The following KAZN variants were observed in gnomAD, a reference collection of about 807,000 sequenced individuals.
KAZN encodes the protein kazrin, periplakin interacting protein.
Under a neutral mutation model 87.4 loss-of-function variants are expected in KAZN, and 40 were observed. The ratio of observed to expected loss-of-function variants is 0.46; its 90% CI spans 0.36 to 0.60. The LOEUF is 0.60. Among genes scored for constraint, KAZN ranks in the 20% least tolerant of loss-of-function variants. KAZN has a pLI of 0.00. For synonymous variants in KAZN, 466 were observed against 458.3 expected, an observed-to-expected ratio of 1.02 and a Z score of -0.22; for missense variants, 898 against 1,073.9, an observed-to-expected ratio of 0.84 and a Z score of 2.29.
At chr1:14,676,008 G>T (rs531799132) in intron 1 of KAZN, among the ~76,000 whole-genome samples, 1 of 152,154 alleles carries the variant, frequency 6.6e-6, no homozygotes, top group African/African-American at 2.4e-5. Context: ...AAATATAGGG[G>T]AGGTGAAGGA....
chr1:15,046,680 G>A (rs922412953), intron 4 of KAZN, among the ~76,000 whole-genome samples: 2 of 152,190 alleles, frequency 1.3e-5, no homozygotes, highest in Non-Finnish European at 2.9e-5. Context: ...AGGATCCGTG[G>A]GCCTAGCCTA....
intron 2 of KAZN, among the ~76,000 whole-genome samples, chr1:14,370,603 T>C (rs1053380834): frequency 3.9e-5 from 6 of 152,080 alleles, no homozygotes; most frequent in Non-Finnish European, 8.8e-5. Flanking sequence ...TTTACATGTG[T>C]GTCCACCTAC....
intron 2 of KAZN, among the ~76,000 whole-genome samples, chr1:14,531,405 A>G (rs773811033): frequency 2.0e-5 from 3 of 152,216 alleles, no homozygotes; most frequent in Non-Finnish European, 2.9e-5. Flanking sequence ...TGATCACTGT[A>G]TTCGCAAACC....
rs574546777 is a variant in KAZN at position 14,507,552 on chromosome 1, C to T, written c.250-91431C>T. Among the ~76,000 whole-genome samples the T allele has an allele frequency of 1.5e-4, 23 of 152,256 alleles. No homozygotes were observed. In the South Asian group the frequency reaches 3.5e-3, roughly 23 times the overall value. Reference sequence around the variant, plus strand: ...CATCCGCCAGGGATCACACCAGTAACGCAGAATTCTTTCTGAGAGTGGAAC... The same window carrying T: ...CATCCGCCAGGGATCACACCAGTAATGCAGAATTCTTTCTGAGAGTGGAAC... On this transcript the variant is annotated intron_variant, in intron 2 of 16. Transcript: ENST00000636203.
intron 1 of KAZN, among the ~76,000 whole-genome samples, chr1:14,887,903 G>T (rs1572736543): frequency 6.6e-6 from 1 of 151,892 alleles, no homozygotes; most frequent in African/African-American, 2.4e-5. Flanking sequence ...TGGTGTGTTT[G>T]CTGTGTGGAT....
At chr1:14,790,713 A>T (rs537383068) in intron 1 of KAZN, among the ~76,000 whole-genome samples, 7 of 152,144 alleles carry the variant, frequency 4.6e-5, no homozygotes, top group African/African-American at 1.7e-4. Flanking sequence ...GAATCCGGTG[A>T]CTTCTTTTTT....
At chr1:15,068,572 A>C (rs1171122572) in intron 8 of KAZN, among the ~76,000 whole-genome samples, 1 of 151,382 alleles carries the variant, frequency 6.6e-6, no homozygotes, top group Non-Finnish European at 1.5e-5. Context: ...CCACGATCCC[A>C]CCCTCCCTGG....
At position 14,562,915 on chromosome 1, in the gene KAZN, T is replaced by C. The variant is rs1001833432; in HGVS notation, c.250-36068T>C. Reference sequence around the variant, plus strand: ...TACTCGATTGCATAGCACTCTGGAGTGCGTTTAGTTAAGACAACTCATCTC... The same window carrying C: ...TACTCGATTGCATAGCACTCTGGAGCGCGTTTAGTTAAGACAACTCATCTC... On this transcript the variant is annotated intron_variant, in intron 2 of 16. Coordinates refer to the KAZN transcript ENST00000636203. 2.6e-5 allele frequency among the ~76,000 whole-genome samples: 4 copies of C among 152,026 alleles called. No homozygotes were observed. In the East Asian group the frequency reaches 5.8e-4, roughly 22 times the overall value.
Position 13,960,675 on chromosome 1 carries a change from A to G in KAZN, c.91+66919A>G, listed in dbSNP as rs1336843937. The stretch of plus-strand genomic sequence containing the variant: ...ATCGGCTTGTATTTGCTAAGGCCTC[A>G]TTCGGGTCCTACTTGGGCTAGTGTC... On this transcript the variant is annotated intron_variant, in intron 1 of 16. Transcript: ENST00000636203. Among the ~76,000 whole-genome samples, 5 of 152,342 alleles carry G rather than the reference A, an allele frequency of 3.3e-5. No homozygotes were observed. In the East Asian group the frequency reaches 9.7e-4, roughly 29 times the overall value.
At chr1:14,721,146 C>T (rs1247238466) in intron 1 of KAZN, among the ~76,000 whole-genome samples, 1 of 152,190 alleles carries the variant, frequency 6.6e-6, no homozygotes, top group Admixed American at 6.5e-5. Flanking sequence ...GCAGTGTCCC[C>T]ACCTAAATCT....
intron 2 of KAZN, among the ~76,000 whole-genome samples, chr1:14,323,201 A>G (rs528236280): frequency 5.3e-5 from 8 of 152,096 alleles, no homozygotes; most frequent in Admixed American, 2.6e-4. Flanking sequence ...AAACCTAACC[A>G]TATCACCACA....
At chr1:13,914,972 A>G (rs1639788254) in intron 1 of KAZN, among the ~76,000 whole-genome samples, 1 of 151,998 alleles carries the variant, frequency 6.6e-6, no homozygotes, top group Admixed American at 6.5e-5. Flanking sequence ...ACCCAATTAT[A>G]CTGTGCCTGG....
intron 2 of KAZN, among the ~76,000 whole-genome samples, chr1:14,556,894 C>A (rs752025787): frequency 6.6e-6 from 1 of 152,192 alleles, no homozygotes; most frequent in Non-Finnish European, 1.5e-5. Context: ...CATGGCTGAT[C>A]TGGCTTGCTT....
chr1:14,797,104 A>G (rs1645851966), intron 1 of KAZN, among the ~76,000 whole-genome samples: 1 of 152,134 alleles, frequency 6.6e-6, no homozygotes, highest in Non-Finnish European at 1.5e-5. Flanking sequence ...CTCGTTGCCC[A>G]GGTTGGAGTG....
intron 2 of KAZN, among the ~76,000 whole-genome samples, chr1:14,239,816 T>G (rs1648780208): frequency 6.6e-6 from 1 of 152,042 alleles, no homozygotes; most frequent in Admixed American, 6.5e-5. Flanking sequence ...TTTTGCCTGC[T>G]TGGAGACATT....
At chr1:14,369,755 C>T (rs972825800) in intron 2 of KAZN, among the ~76,000 whole-genome samples, 1 of 152,116 alleles carries the variant, frequency 6.6e-6, no homozygotes, top group Non-Finnish European at 1.5e-5. Context: ...CAAAGTAAGC[C>T]CAACGTCCCC....
intron 2 of KAZN, among the ~76,000 whole-genome samples, chr1:14,473,250 T>TG (rs35739559): frequency 4.0e-5 from 6 of 151,804 alleles, no homozygotes; most frequent in African/African-American, 1.5e-4. Context: ...GACATACTTA[T>TG]CTAAAGGTTT....
chr1:14,095,275 C>T (rs1393623089), intron 1 of KAZN, among the ~76,000 whole-genome samples: 1 of 152,174 alleles, frequency 6.6e-6, no homozygotes, highest in Non-Finnish European at 1.5e-5. Context: ...TAGGTATATG[C>T]CGTGGAGAGG....
rs1219653139 is a variant in KAZN at position 14,883,318 on chromosome 1, A to AAGAGAGAG, written c.227-77348_227-77341dup. Among the ~76,000 whole-genome samples the AAGAGAGAG allele has an allele frequency of 5.2e-4, 20 of 38,592 alleles. 2 individuals carry two copies. Among genetic ancestry groups the AAGAGAGAG allele is most frequent in the Non-Finnish European group, 5.4e-4 (10 of 18,506 alleles). 25.3% of individuals were successfully genotyped at this position (38,592 alleles called of 152,430 possible). On this transcript the variant is annotated intron_variant, in intron 1 of 14. Coordinates refer to ENST00000376030, the MANE Select transcript of KAZN (RefSeq NM_201628.3). Reference sequence around the variant, plus strand: ...CTCAAAAGAAAGAAAGAAAGAAAGAAAGAGAGAGAGAGAGAGAGAGAGAGA... The same window carrying AAGAGAGAG: ...CTCAAAAGAAAGAAAGAAAGAAAGAAAGAGAGAGAGAGAGAGAGAGAGAGAGAGAGAGA...
Sources: gnomAD v4.1 joint callset for allele counts (sites outside exome capture counted in the v4.1 genomes callset) on GRCh38, gnomAD v4.1.1 for gene constraint, MANE v1.5 for transcripts, NCBI Gene and HGNC (gene_info 2026-07-23, HGNC 2026-07-21) for gene names.